The following JCAD variants were observed in gnomAD, a reference collection of about 807,000 sequenced individuals.
The protein encoded by JCAD is junctional cadherin 5 associated.
JCAD carries 40 observed loss-of-function variants against 98.0 expected under a neutral mutation model. The ratio of observed to expected loss-of-function variants is 0.41; its 90% CI spans 0.32 to 0.53. The LOEUF (loss-of-function observed/expected upper bound fraction) is 0.53. Ranked by LOEUF, JCAD falls within the 20% of genes least tolerant of loss-of-function variation. The pLI, the probability that JCAD is intolerant of heterozygous loss-of-function variation, is 0.31. For synonymous variants in JCAD, 691 were observed against 682.3 expected (o/e 1.01, Z -0.20); for missense variants, 1,705 against 1,738.1 (o/e 0.98, Z 0.34).
intron 2 of JCAD, among the ~76,000 whole-genome samples, chr10:30,043,205 C>G (rs1290918643): frequency 6.6e-6 from 1 of 152,168 alleles, no homozygotes; most frequent in Non-Finnish European, 1.5e-5. Flanking sequence ...CTCAAAGCAA[C>G]AGCCCCCTCA....
In JCAD at chr10:30,027,538, G is replaced by C. The variant is rs758219038; in HGVS notation, c.2610C>G (p.Asn870Lys). 8.7e-6 allele frequency: 14 copies of C among 1,613,206 alleles called. No individual in the cohort carries two copies. The highest frequency in any genetic ancestry group is 1.1e-5 in the Non-Finnish European group (13 of 1,180,050). Residue 870 changes from asparagine (N) to lysine (K), a missense_variant, in exon 3 of 4, where the codon AAC becomes AAG. Asn to Lys is a moderately conservative substitution (Grantham distance 94). Coordinates refer to ENST00000375377, the MANE Select transcript of JCAD (RefSeq NM_020848.4). ...EESEAEPQQE[N>K]RAHCRQEDVG... ...CATCCTCCTGTCTGCAGTGAGCACG[G>C]TTCTCCTGCTGCGGCTCCGCCTCAC...
intron 2 of JCAD, among the ~76,000 whole-genome samples, chr10:30,038,943 C>T (rs1837181214): frequency 6.6e-6 from 1 of 152,160 alleles, no homozygotes. Flanking sequence ...GTCAGGGTAT[C>T]TCTGAACAAC....
chr10:30,044,530 A>AC (rs1837298056), intron 2 of JCAD, among the ~76,000 whole-genome samples: 1 of 152,090 alleles, frequency 6.6e-6, no homozygotes, highest in African/African-American at 2.4e-5. Context: ...TACCCCCTAG[A>AC]CCGGGAGGCC....
rs756273690 is a variant in JCAD at position 30,026,129 on chromosome 10, C to A, written c.4019G>T (p.Ser1340Ile). 6.2e-7 allele frequency: 1 copy of A among 1,614,092 alleles called. No individual in the cohort carries two copies. The highest frequency in any genetic ancestry group is 1.3e-5 in the African/African-American group (1 of 74,942). The stretch of plus-strand genomic sequence containing the variant: ...TGGGCACCAGAAGTCTTGATCCATG[C>A]TCTTCTCCTTTTGTGCTGCCGGATG... ...KEHPAAQKEK[S>I]MDQDFWCPDS... Residue 1340 changes from serine (S) to isoleucine (I), a missense_variant, in exon 3 of 4, where the codon AGC (serine) becomes ATC (isoleucine). Transcript: ENST00000375377.
intron 1 of JCAD, among the ~76,000 whole-genome samples, chr10:30,079,913 T>C (rs1236396918): frequency 1.3e-5 from 2 of 152,192 alleles, no homozygotes; most frequent in Non-Finnish European, 2.9e-5. Flanking sequence ...TTCCTAATCA[T>C]CATTATTCAT....
At chr10:30,050,916 T>C (rs1837454419) in intron 1 of JCAD, among the ~76,000 whole-genome samples, 1 of 152,236 alleles carries the variant, frequency 6.6e-6, no homozygotes, top group Non-Finnish European at 1.5e-5. Context: ...ATTCATTCTA[T>C]GCTTCCAGCA....
rs201955072 is a variant in JCAD, at chr10:30,027,516, C to T, written c.2632G>A (p.Asp878Asn). ...GGGCTGTTTCCGCGGAAGCCCACAT[C>T]CTCCTGTCTGCAGTGAGCACGGTTC... ...QENRAHCRQE[D>N]VGFRGNSPEM... is the part of the protein sequence containing the mutation. Residue 878 changes from aspartate (D) to asparagine (N), a missense_variant, in exon 3 of 4, where the codon GAT (aspartate) becomes AAT (asparagine). Coordinates refer to ENST00000375377, the MANE Select transcript of JCAD (RefSeq NM_020848.4). 3.8e-4 allele frequency: 612 copies of T among 1,611,788 alleles called. No homozygotes were observed. Among genetic ancestry groups the T allele is most frequent in the East Asian group, 1.5e-3 (68 of 44,888 alleles).
At chr10:30,051,020 G>A (rs1173874131) in intron 1 of JCAD, among the ~76,000 whole-genome samples, 1 of 152,196 alleles carries the variant, frequency 6.6e-6, no homozygotes, top group Non-Finnish European at 1.5e-5. Flanking sequence ...TCCATGGTTT[G>A]AACTGGGTCT....
rs762220279 is a variant in JCAD at position 30,026,849 on chromosome 10, A to T, written c.3299T>A (p.Leu1100Gln). ...CTGTCCCGCTCTCCGGATGCCCGGC[A>T]GGAGGGACTCCACCGCCACCTCAAT... is the stretch of plus-strand genomic sequence containing the variant. ...LGIEVAVESL[L>Q]PGIRRAGQNQ... Residue 1100 changes from leucine to glutamine, a missense_variant, in exon 3 of 4, where the codon CTG (leucine) becomes CAG (glutamine). Leu to Gln is a moderately radical substitution (Grantham distance 113). This residue lies in a region of JCAD where 1,278 missense variants were observed against 1,243.1 expected (regional missense o/e 1.03). Coordinates refer to ENST00000375377, the MANE Select transcript of JCAD (RefSeq NM_020848.4). The T allele has an allele frequency of 6.2e-7, 1 of 1,614,012 alleles. No homozygotes were observed. Among genetic ancestry groups the T allele is most frequent in the Admixed American group, 1.7e-5 (1 of 60,024 alleles).
chr10:30,046,988 G>T (rs541295591), intron 2 of JCAD, among the ~76,000 whole-genome samples: 4 of 152,148 alleles, frequency 2.6e-5, no homozygotes, highest in Non-Finnish European at 5.9e-5. Context: ...TCGAGAGGCT[G>T]AGGTGGGAGA....
At chr10:30,068,612 C>T (rs1564461878) in intron 2 of JCAD, among the ~76,000 whole-genome samples, 1 of 152,192 alleles carries the variant, frequency 6.6e-6, no homozygotes, top group African/African-American at 2.4e-5. Context: ...CCTGCCCTAA[C>T]TGTGTTTTCT....
chr10:30,102,865 A>G (rs1838495016), intron 1 of JCAD, among the ~76,000 whole-genome samples: 1 of 152,230 alleles, frequency 6.6e-6, no homozygotes, highest in African/African-American at 2.4e-5. Context: ...GTCACGTCTT[A>G]CATGGCAGCA....
At chr10:30,088,119 G>T (rs547783186) in intron 1 of JCAD, among the ~76,000 whole-genome samples, 3 of 152,206 alleles carry the variant, frequency 2.0e-5, no homozygotes, top group African/African-American at 7.2e-5. Flanking sequence ...GATTACAGGC[G>T]TGAGCCACCA....
chr10:30,026,516 G>C lies in JCAD; in HGVS notation c.3632C>G (p.Pro1211Arg). 6.2e-7 allele frequency: 1 copy of C among 1,614,226 alleles called. No homozygotes were observed. Among genetic ancestry groups the C allele is most frequent in the Non-Finnish European group, 8.5e-7 (1 of 1,180,048 alleles). The part of the protein sequence containing the change: ...FEQKDVETKP[P>R]FRSTLFHFVE... ...AAAATGGAATAAAGTGGACCTGAAG[G>C]GTGGTTTTGTTTCCACATCCTTTTG... The change falls in exon 3 of 4, where the codon CCC becomes CGC. Residue 1211 changes from proline (P) to arginine (R), a missense_variant. Physicochemically the swap from Pro to Arg is moderately radical, Grantham distance 103. Coordinates refer to ENST00000375377, the MANE Select transcript of JCAD (RefSeq NM_020848.4).
intron 1 of JCAD, among the ~76,000 whole-genome samples, chr10:30,051,398 C>T (rs1023047267): frequency 2.0e-5 from 3 of 152,092 alleles, no homozygotes; most frequent in African/African-American, 7.2e-5. Context: ...TTCTTGAATA[C>T]ACCATGCAAT....
intron 1 of JCAD, among the ~76,000 whole-genome samples, chr10:30,091,792 G>A (rs1157890580): frequency 7.1e-6 from 1 of 141,612 alleles, no homozygotes; most frequent in Non-Finnish European, 1.5e-5. Context: ...GGGAGGCCAA[G>A]GCGGGTGGAT....
At chr10:30,071,713 G>T (rs1837894206) in intron 1 of JCAD, among the ~76,000 whole-genome samples, 1 of 152,104 alleles carries the variant, frequency 6.6e-6, no homozygotes, top group Admixed American at 6.5e-5. Flanking sequence ...GGGGGGCGGA[G>T]GTTGCAAGGA....
intron 2 of JCAD, among the ~76,000 whole-genome samples, chr10:30,036,926 A>G (rs966184399): frequency 6.6e-6 from 1 of 152,196 alleles, no homozygotes. Context: ...GTTCTAGACC[A>G]GTGGATGGTC....
At chr10:30,068,704 T>C (rs1837829648) in intron 2 of JCAD, among the ~76,000 whole-genome samples, 1 of 152,226 alleles carries the variant, frequency 6.6e-6, no homozygotes, top group Non-Finnish European at 1.5e-5. Flanking sequence ...ACCTCCCCTG[T>C]GATCCAGAGC....
Sources: gnomAD v4.1 joint callset for allele counts (sites outside exome capture counted in the v4.1 genomes callset) on GRCh38, gnomAD v4.1.1 for gene constraint, gnomAD v4.1.1 regional missense constraint, MANE v1.5 for transcripts, NCBI Gene and HGNC (gene_info 2026-07-23, HGNC 2026-07-21) for gene names.